SPOCK1: variants seen among roughly 807,000 people sequenced by gnomAD.
The protein encoded by SPOCK1 is SPARC (osteonectin), cwcv and kazal like domains proteoglycan 1, also known as testican-1.
In SPOCK1, 23 loss-of-function variants were observed where a neutral mutation model predicts 55.3. The ratio of observed to expected loss-of-function variants is 0.42; its 90% CI spans 0.30 to 0.59. The LOEUF (loss-of-function observed/expected upper bound fraction) is 0.59. Among genes scored for constraint, SPOCK1 ranks in the 20% least tolerant of loss-of-function variants. SPOCK1 has a pLI of 0.22. For missense variants in SPOCK1, 499 were observed against 552.5 expected (o/e 0.90, Z 0.97); for synonymous variants, 226 against 221.0 (o/e 1.02, Z -0.20).
chr5:137,319,009 T>C (rs550401663), intron 2 of SPOCK1, among the ~76,000 whole-genome samples: 13 of 152,314 alleles, frequency 8.5e-5, no homozygotes, highest in Non-Finnish European at 1.6e-4. Context: ...GCCCCTAAAA[T>C]TTGCCAAGCA....
intron 5 of SPOCK1, among the ~76,000 whole-genome samples, chr5:137,109,973 G>A (rs1180476389): frequency 6.6e-6 from 1 of 152,160 alleles, no homozygotes; most frequent in South Asian, 2.1e-4. Flanking sequence ...TAGGAATGGT[G>A]CCTGTCTTAT....
chr5:137,422,361 A>T (rs1436823709), intron 2 of SPOCK1, among the ~76,000 whole-genome samples: 2 of 152,184 alleles, frequency 1.3e-5, no homozygotes, highest in African/African-American at 4.8e-5. Flanking sequence ...GTTCTCCTGG[A>T]TAATACCCTG....
chr5:136,990,256 G>A (rs769249358), intron 7 of SPOCK1, among the ~76,000 whole-genome samples: 7 of 152,004 alleles, frequency 4.6e-5, no homozygotes, highest in Non-Finnish European at 1.0e-4. Context: ...AGTCTTCACT[G>A]TCTAGAAGCC....
intron 2 of SPOCK1, among the ~76,000 whole-genome samples, chr5:137,320,787 A>C (rs1198629688): frequency 1.3e-5 from 2 of 152,220 alleles, no homozygotes; most frequent in African/African-American, 4.8e-5. Context: ...CTATAAGAAA[A>C]ACCATAAGGA....
chr5:137,032,523 A>G (rs1580716507), intron 6 of SPOCK1, among the ~76,000 whole-genome samples: 1 of 152,142 alleles, frequency 6.6e-6, no homozygotes, highest in African/African-American at 2.4e-5. Flanking sequence ...AAGCTGAGAG[A>G]TGATGGTGCC....
chr5:137,112,985 G>A (rs975719692), intron 4 of SPOCK1, among the ~76,000 whole-genome samples: 4 of 152,284 alleles, frequency 2.6e-5, no homozygotes, highest in Non-Finnish European at 1.5e-5. Context: ...TGTGGAGGAC[G>A]CACGGGCAAC....
intron 2 of SPOCK1, among the ~76,000 whole-genome samples, chr5:137,287,566 T>C (rs1347770881): frequency 6.6e-6 from 1 of 152,240 alleles, no homozygotes; most frequent in African/African-American, 2.4e-5. Flanking sequence ...TGGAAGAAAC[T>C]ACACTTTCCA....
chr5:136,992,632 G>T, intron 6 of SPOCK1, 32 bp from the exon 7 acceptor site: 10 of 1,561,996 alleles, frequency 6.4e-6, no homozygotes, highest in Non-Finnish European at 8.8e-6. Context: ...AGACAATGGG[G>T]CTGGGGGCTT....
At chr5:137,403,571 G>A (rs1038369094) in intron 2 of SPOCK1, among the ~76,000 whole-genome samples, 20 of 152,262 alleles carry the variant, frequency 1.3e-4, no homozygotes, top group South Asian at 2.1e-4. Flanking sequence ...GCAGGCTGAA[G>A]GGCTGAAAAA....
intron 5 of SPOCK1, among the ~76,000 whole-genome samples, chr5:137,081,949 CTTTT>C (rs1752883839): frequency 6.6e-6 from 1 of 152,198 alleles, no homozygotes; most frequent in Non-Finnish European, 1.5e-5. Flanking sequence ...TTTTTCCTTT[CTTTT>C]GATTACACAG....
chr5:137,473,002 C>T (rs1435128671), intron 2 of SPOCK1, among the ~76,000 whole-genome samples: 1 of 152,138 alleles, frequency 6.6e-6, no homozygotes, highest in East Asian at 1.9e-4. Flanking sequence ...TTCTATGTTG[C>T]CGGTTAAAGG....
intron 5 of SPOCK1, among the ~76,000 whole-genome samples, chr5:137,101,933 T>C (rs1753273365): frequency 6.6e-6 from 1 of 152,180 alleles, no homozygotes; most frequent in Admixed American, 6.5e-5. Context: ...CTAAACAACA[T>C]GTCTGGGATA....
intron 3 of SPOCK1, among the ~76,000 whole-genome samples, chr5:137,208,091 A>G (rs1223853608): frequency 2.1e-4 from 32 of 152,116 alleles, no homozygotes. Flanking sequence ...AATAATCCCA[A>G]TTTAAATGTC....
At chr5:137,296,996 T>C (rs1483551667) in intron 2 of SPOCK1, among the ~76,000 whole-genome samples, 1 of 152,236 alleles carries the variant, frequency 6.6e-6, no homozygotes, top group Admixed American at 6.5e-5. Context: ...AGAGTATCTA[T>C]GTGTGTATAT....
rs528174303 is a variant in SPOCK1, at chr5:137,240,022, T to C, written c.232+26988A>G. Among the ~76,000 whole-genome samples the C allele has an allele frequency of 7.2e-5, 11 of 152,324 alleles. No individual in the cohort carries two copies. In the East Asian group the frequency reaches 2.1e-3, roughly 29 times the overall value. ...TCCTTATATGCAAACTTCCATTAAG[T>C]AGTAGACCTATGTGAAGAGAAAATT... On this transcript the variant is annotated intron_variant, in intron 3 of 10. Transcript: ENST00000394945.
intron 2 of SPOCK1, among the ~76,000 whole-genome samples, chr5:137,452,896 G>T (rs1753285998): frequency 6.6e-6 from 1 of 152,096 alleles, no homozygotes; most frequent in Non-Finnish European, 1.5e-5. Context: ...TATCAAAGCG[G>T]CAGAGCTACC....
intron 2 of SPOCK1, among the ~76,000 whole-genome samples, chr5:137,325,774 C>A (rs1269708655): frequency 6.6e-6 from 1 of 152,206 alleles, no homozygotes; most frequent in African/African-American, 2.4e-5. Context: ...GTGGCATAAG[C>A]AATCCACAGA....
intron 3 of SPOCK1, among the ~76,000 whole-genome samples, chr5:137,194,499 G>A (rs963638242): frequency 6.6e-6 from 1 of 152,130 alleles, no homozygotes; most frequent in Non-Finnish European, 1.5e-5. Flanking sequence ...AGCTGAGGGT[G>A]GGGGGCCAGG....
chr5:137,198,170 C>G (rs577942481), intron 3 of SPOCK1, among the ~76,000 whole-genome samples: 37 of 152,256 alleles, frequency 2.4e-4, no homozygotes, highest in African/African-American at 8.9e-4. Context: ...TTCACATATT[C>G]TATTCTATAA....
Sources: gnomAD v4.1 joint callset for allele counts (sites outside exome capture counted in the v4.1 genomes callset) on GRCh38, gnomAD v4.1.1 for gene constraint, MANE v1.5 for transcripts, NCBI Gene and HGNC (gene_info 2026-07-23, HGNC 2026-07-21) for gene names.